Variants in SPAG16 observed in about 807,000 individuals in gnomAD.
SPAG16 encodes the protein sperm associated antigen 16, also known as sperm-associated antigen 16 protein.
Under a neutral mutation model 80.4 loss-of-function variants are expected in SPAG16, and 86 were observed. The ratio of observed to expected loss-of-function variants is 1.07; its 90% CI spans 0.90 to 1.28. SPAG16 has a LOEUF of 1.28. SPAG16 is among the 50% of genes most tolerant of loss of function. SPAG16 has a pLI of 0.00. For synonymous variants in SPAG16, 294 were observed against 265.9 expected, an observed-to-expected ratio of 1.11 and a Z score of -1.03; for missense variants, 870 against 765.3, an observed-to-expected ratio of 1.14 and a Z score of -1.61.
intron 15 of SPAG16, among the ~76,000 whole-genome samples, chr2:214,330,094 C>T (rs1214315156): frequency 6.8e-6 from 1 of 146,104 alleles, no homozygotes; most frequent in Non-Finnish European, 1.5e-5. Flanking sequence ...TGATGAAACC[C>T]TATCTCTACC....
chr2:213,410,776 C>T (rs2068923591), intron 9 of SPAG16, among the ~76,000 whole-genome samples: 1 of 152,190 alleles, frequency 6.6e-6, no homozygotes, highest in African/African-American at 2.4e-5. Context: ...CCCCTTTCCA[C>T]TAAGGTGGTC....
intron 10 of SPAG16, among the ~76,000 whole-genome samples, chr2:213,810,659 G>GAAC (rs2072076042): frequency 1.3e-5 from 2 of 152,160 alleles, no homozygotes; most frequent in Admixed American, 1.3e-4. Context: ...ACAGCAGGAG[G>GAAC]AACAAGCAGC....
intron 15 of SPAG16, among the ~76,000 whole-genome samples, chr2:214,299,010 A>G (rs531878461): frequency 6.6e-6 from 1 of 152,294 alleles, no homozygotes; most frequent in East Asian, 1.9e-4. Flanking sequence ...GAGGTAAATT[A>G]TAAGCCCTAT....
At chr2:213,905,646 G>A (rs139778744) in intron 11 of SPAG16, among the ~76,000 whole-genome samples, 4 of 152,268 alleles carry the variant, frequency 2.6e-5, no homozygotes, top group East Asian at 3.9e-4. Flanking sequence ...TGCCCCCTAT[G>A]TATTACATTC....
Position 214,002,495 on chromosome 2 carries a change from G to C in SPAG16, c.1401-11456G>C, listed in dbSNP as rs182468222. Among the ~76,000 whole-genome samples the C allele has an allele frequency of 4.5e-4, 69 of 152,178 alleles. No homozygotes were observed. In the East Asian group the frequency reaches 9.3e-3, roughly 20 times the overall value. On this transcript the variant is annotated intron_variant, in intron 12 of 15. Coordinates refer to ENST00000331683, the MANE Select transcript of SPAG16 (RefSeq NM_024532.5). ...TCTAGATAAACACTGTATTAATCAG[G>C]GTTCTCCAGTGAAACAGAACCAATA...
chr2:213,377,895 ATATATATAT>A (rs1559472146), intron 9 of SPAG16, among the ~76,000 whole-genome samples: 5 of 49,338 alleles, frequency 1.0e-4, no homozygotes, highest in African/African-American at 2.4e-4. Context: ...ATATATATAT[ATATATATAT>A]TTTTTTTTTT....
At chr2:213,755,005 A>G (rs967500760) in intron 10 of SPAG16, among the ~76,000 whole-genome samples, 1 of 152,218 alleles carries the variant, frequency 6.6e-6, no homozygotes, top group East Asian at 1.9e-4. Flanking sequence ...TTGAATCTCT[A>G]AATGTCTAAA....
chr2:214,297,115 T>C (rs975256049), intron 15 of SPAG16, among the ~76,000 whole-genome samples: 3 of 152,232 alleles, frequency 2.0e-5, no homozygotes, highest in Admixed American at 6.5e-5. Context: ...TTTTCCTTTA[T>C]ATCAATGCAA....
At chr2:213,873,395 AT>A (rs890600226) in intron 11 of SPAG16, among the ~76,000 whole-genome samples, 3 of 151,570 alleles carry the variant, frequency 2.0e-5, no homozygotes, top group Admixed American at 6.6e-5. Flanking sequence ...AGTCCTCTCT[AT>A]TTTTTTGTTG....
chr2:214,118,420 C>T (rs919616884), intron 14 of SPAG16, among the ~76,000 whole-genome samples: 1 of 152,130 alleles, frequency 6.6e-6, no homozygotes, highest in African/African-American at 2.4e-5. Context: ...TCTTCTCACA[C>T]TGCTATAAAG....
chr2:213,742,538 T>G (rs2067603236), intron 10 of SPAG16, among the ~76,000 whole-genome samples: 1 of 135,700 alleles, frequency 7.4e-6, no homozygotes, highest in African/African-American at 2.7e-5. Context: ...TGTCTTATTT[T>G]GCTTATTTCT....
At chr2:214,057,716 A>C (rs2050020487) in intron 13 of SPAG16, among the ~76,000 whole-genome samples, 1 of 152,152 alleles carries the variant, frequency 6.6e-6, no homozygotes, top group Non-Finnish European at 1.5e-5. Flanking sequence ...TCTTCTTCCA[A>C]TAGAAGGCTT....
intron 10 of SPAG16, among the ~76,000 whole-genome samples, chr2:213,520,312 C>T (rs916895885): frequency 1.3e-5 from 2 of 152,020 alleles, no homozygotes; most frequent in Non-Finnish European, 2.9e-5. Context: ...CTTGGCCAAG[C>T]GTGGTGGCTC....
chr2:214,400,220 G>T (rs1298539415), intron 15 of SPAG16, among the ~76,000 whole-genome samples: 1 of 151,718 alleles, frequency 6.6e-6, no homozygotes, highest in Non-Finnish European at 1.5e-5. Context: ...TAATTTTTTT[G>T]ATATATTCAC....
chr2:213,674,682 A>G (rs1262430961), intron 10 of SPAG16, among the ~76,000 whole-genome samples: 17 of 149,680 alleles, frequency 1.1e-4, no homozygotes, highest in Admixed American at 4.6e-4. Flanking sequence ...ATGATTTCCA[A>G]TTTCATCCAT....
At position 214,014,060 on chromosome 2, in the gene SPAG16, A is replaced by G. The variant is rs544139888; in HGVS notation, c.1510A>G (p.Ile504Val). 4 of 1,613,040 alleles carry G rather than the reference A, an allele frequency of 2.5e-6. No homozygotes were observed. Among genetic ancestry groups the G allele is most frequent in the Middle Eastern group, 1.7e-4 (1 of 6,050 alleles). ...LTSSADKTLS[I>V]WDARTGICEQ... ...AAGCTCTGCAGACAAGACCCTGTCT[A>G]TATGGGATGCAAGAACAGTAAGCAA... Residue 504 changes from isoleucine (I) to valine (V), a missense_variant, in exon 13 of 16, where the codon ATA becomes GTA. Coordinates refer to ENST00000331683, the MANE Select transcript of SPAG16 (RefSeq NM_024532.5).
intron 10 of SPAG16, among the ~76,000 whole-genome samples, chr2:213,824,610 T>C (rs1469627753): frequency 6.6e-6 from 1 of 152,152 alleles, no homozygotes; most frequent in Non-Finnish European, 1.5e-5. Flanking sequence ...TATATCTTTT[T>C]ATGCCAGTAC....
At chr2:214,346,076 T>C (rs909610323) in intron 15 of SPAG16, among the ~76,000 whole-genome samples, 2 of 152,228 alleles carry the variant, frequency 1.3e-5, no homozygotes, top group African/African-American at 2.4e-5. Flanking sequence ...ATTTTTCTCA[T>C]AGAGTACGTG....
intron 10 of SPAG16, among the ~76,000 whole-genome samples, chr2:213,491,843 A>G (rs933512042): frequency 2.0e-5 from 3 of 152,234 alleles, no homozygotes; most frequent in African/African-American, 7.2e-5. Context: ...CTCAAGGAAT[A>G]ATGGTTTTGT....
Sources: gnomAD v4.1 joint callset for allele counts (sites outside exome capture counted in the v4.1 genomes callset) on GRCh38, gnomAD v4.1.1 for gene constraint, MANE v1.5 for transcripts, NCBI Gene and HGNC (gene_info 2026-07-23, HGNC 2026-07-21) for gene names.